Variants in ADGRF3 observed in about 807,000 individuals in gnomAD.
ADGRF3 encodes the protein adhesion G protein-coupled receptor F3.
Under a neutral mutation model 93.2 loss-of-function variants are expected in ADGRF3, and 85 were observed. The observed-to-expected ratio is 0.91, with a 90% CI of 0.77 to 1.09. The LOEUF is 1.09. Ranked by LOEUF, ADGRF3 falls within the 50% of genes least tolerant of loss-of-function variation. The probability of loss-of-function intolerance (pLI) is 0.00; values close to 1 mark genes in which losing one functional copy is unlikely to be tolerated. For synonymous variants in ADGRF3, 534 were observed against 532.5 expected (o/e 1.00, Z -0.04); for missense variants, 1,125 against 1,246.2 (o/e 0.90, Z 1.46).
At chr2:26,344,666 TCAAAAAATG>T (rs1366725858) in intron 1 of ADGRF3, among the ~76,000 whole-genome samples, 2 of 152,128 alleles carry the variant, frequency 1.3e-5, no homozygotes, top group Non-Finnish European at 2.9e-5. Context: ...CGCCCATTCT[TCAAAAAATG>T]CAAAAAATTT....
chr2:26,334,257 C>T (rs1201524521), intron 1 of ADGRF3, among the ~76,000 whole-genome samples: 6 of 148,672 alleles, frequency 4.0e-5, no homozygotes, highest in Admixed American at 1.4e-4. Context: ...GAGTTCAAGA[C>T]CAGCTTAGGC....
intron 1 of ADGRF3, among the ~76,000 whole-genome samples, chr2:26,343,312 C>A (rs1269870459): frequency 6.6e-6 from 1 of 152,098 alleles, no homozygotes; most frequent in African/African-American, 2.4e-5. Context: ...CAAGATTTCC[C>A]AGATGAGATG....
intron 9 of ADGRF3, 52 bp from the exon 10 acceptor site, chr2:26,312,126 G>A: frequency 6.6e-7 from 1 of 1,526,344 alleles, no homozygotes; most frequent in Non-Finnish European, 8.8e-7. Context: ...CCACAGGACT[G>A]AGCCGGGGGC....
At chr2:26,345,975 AG>A in intron 1 of ADGRF3, 145 bp downstream of exon 1, 1 of 720,194 alleles carries the variant, frequency 1.4e-6, no homozygotes, top group South Asian at 1.8e-5. Flanking sequence ...GGACAACAGC[AG>A]TGTCGGGGGA....
chr2:26,337,173 C>G (rs1199457279), intron 1 of ADGRF3, among the ~76,000 whole-genome samples: 1 of 152,206 alleles, frequency 6.6e-6, no homozygotes, highest in African/African-American at 2.4e-5. Context: ...AGGCCCCACA[C>G]TGTGTGACTT....
intron 1 of ADGRF3, 110 bp downstream of exon 1, chr2:26,346,011 C>A (rs1676711877): frequency 8.7e-7 from 1 of 1,152,686 alleles, no homozygotes; most frequent in Non-Finnish European, 1.2e-6. Context: ...GGGCTAGCAA[C>A]CCCCCCTCGA....
chr2:26,310,286 C>T, intron 10 of ADGRF3, 49 bp from the exon 11 acceptor site: 3 of 1,594,864 alleles, frequency 1.9e-6, no homozygotes, highest in Non-Finnish European at 2.6e-6. Context: ...AAGGGATCCA[C>T]CCGAATCAAC....
intron 1 of ADGRF3, chr2:26,318,768 C>G (rs1046495514): frequency 1.2e-6 from 1 of 815,164 alleles, no homozygotes; most frequent in East Asian, 2.7e-5. Context: ...CAAGAGCTAT[C>G]CCCCACACCC....
chr2:26,341,409 TTGAGAA>T (rs1676391072), intron 1 of ADGRF3, among the ~76,000 whole-genome samples: 1 of 151,812 alleles, frequency 6.6e-6, no homozygotes, highest in African/African-American at 2.4e-5. Context: ...GAGAAGCTAG[TTGAGAA>T]TAAGTCACAA....
intron 3 of ADGRF3, among the ~76,000 whole-genome samples, chr2:26,316,691 C>T (rs1418477918): frequency 6.6e-6 from 1 of 152,106 alleles, no homozygotes; most frequent in East Asian, 1.9e-4. Context: ...TTGTCTGTCC[C>T]TTGGGCCATC....
In ADGRF3 at chr2:26,311,221, G is replaced by T; in HGVS notation, c.2303C>A (p.Pro768His). The T allele has an allele frequency of 6.2e-7, 1 of 1,605,602 alleles. No homozygotes were observed. Among genetic ancestry groups the T allele is most frequent in the South Asian group, 1.1e-5 (1 of 89,960 alleles). ...GGCAGCAAGGCAGAGCGGGCTTCGGGGCCCTGGAGAGAGGAATGGGGCGCC... is the reference window on the plus strand; with the variant it reads ...GGCAGCAAGGCAGAGCGGGCTTCGGTGCCCTGGAGAGAGGAATGGGGCGCC... ...FLGAPFLSPGPRSPLCLAAAF... is the reference protein window; with the variant it reads ...FLGAPFLSPGHRSPLCLAAAF... Residue 768 changes from proline (P) to histidine (H), a missense_variant, in exon 10 of 14, where the codon CCC becomes CAC. Pro to His is a moderately conservative substitution (Grantham distance 77). Coordinates refer to ENST00000651242, the MANE Select transcript of ADGRF3 (RefSeq NM_001321971.2).
In ADGRF3 at chr2:26,316,416, A is replaced by C; in HGVS notation, c.358T>G (p.Cys120Gly). ...CNVNHKGNFY[C>G]ACLSGYQWNT... ...CACTGGTAGCCAGAGAGGCAAGCAC[A>C]ATAGAAATTCCCCTTGTGGTTGACA... Residue 120 changes from cysteine to glycine, a missense_variant, in exon 4 of 14, where the codon TGT becomes GGT. Coordinates refer to ENST00000651242, the MANE Select transcript of ADGRF3 (RefSeq NM_001321971.2). 1 of 1,551,786 alleles carries C rather than the reference A, an allele frequency of 6.4e-7. No individual in the cohort carries two copies. The highest frequency in any genetic ancestry group is 8.7e-7 in the Non-Finnish European group (1 of 1,147,010).
Position 26,308,213 on chromosome 2 carries a change from C to T in ADGRF3, c.*873G>A, listed in dbSNP as rs1673709737. On this transcript the variant is annotated 3_prime_UTR_variant, in exon 14 of 14. Coordinates refer to ENST00000651242, the MANE Select transcript of ADGRF3 (RefSeq NM_001321971.2). ...ATTTTTATTTTAACAGAAAATGCCCCCGTCCCATTTTATAAAAAATATCCA... is the reference window on the plus strand; with the variant it reads ...ATTTTTATTTTAACAGAAAATGCCCTCGTCCCATTTTATAAAAAATATCCA... The T allele has an allele frequency of 6.6e-6, 1 of 151,972 alleles. No individual in the cohort carries two copies. The highest frequency in any genetic ancestry group is 6.6e-5 in the Admixed American group (1 of 15,256). The allele number at this position is 151,972 out of a possible 1,614,324, so 9.4% of individuals were successfully genotyped here.
chr2:26,310,226 G>T lies in ADGRF3; in HGVS notation c.2844C>A (p.Ile948=). ...TGTCCATGAGGCAACCAAACAATAG[G>T]ATGAAGACGCCCTGAGAAGAGGGAC... ...TILNTLQGVF[I]LLFGCLMDRK... The change falls in exon 11 of 14, where the codon ATC becomes ATA. Residue 948 remains isoleucine (I), a synonymous_variant. Coordinates refer to ENST00000651242, the MANE Select transcript of ADGRF3 (RefSeq NM_001321971.2). The T allele has an allele frequency of 6.2e-7, 1 of 1,614,026 alleles. No homozygotes were observed. Among genetic ancestry groups the T allele is most frequent in the Non-Finnish European group, 8.5e-7 (1 of 1,179,898 alleles).
Position 26,311,247 on chromosome 2 carries a change from C to T in ADGRF3, c.2277G>A (p.Leu759=). The change falls in exon 10 of 14, where the codon CTG becomes CTA. Residue 759 remains leucine, a synonymous_variant. Coordinates refer to ENST00000651242, the MANE Select transcript of ADGRF3 (RefSeq NM_001321971.2). The stretch of plus-strand genomic sequence containing the variant: ...GCCCTGGAGAGAGGAATGGGGCGCC[C>T]AGGAAGCAAGTGTCTGCGGCCAGCA... ...FCLLAADTCF[L]GAPFLSPGPR... is the part of the protein sequence containing the mutation. 6.2e-7 allele frequency: 1 copy of T among 1,611,236 alleles called. No individual in the cohort carries two copies.
chr2:26,312,098 A>C (rs1310201870), intron 9 of ADGRF3, 24 bp from the exon 10 acceptor site: 1 of 1,580,688 alleles, frequency 6.3e-7, no homozygotes, highest in East Asian at 2.2e-5. Flanking sequence ...AAGAAAGATG[A>C]ACCCCGTCTG....
At chr2:26,332,364 T>C (rs1675813754) in intron 1 of ADGRF3, among the ~76,000 whole-genome samples, 1 of 152,198 alleles carries the variant, frequency 6.6e-6, no homozygotes, top group South Asian at 2.1e-4. Flanking sequence ...TGAAGGGCTG[T>C]CCATACTGGA....
In ADGRF3 at chr2:26,346,477, C is replaced by T; in HGVS notation, c.-243G>A. 1 of 595,040 alleles carries T rather than the reference C, an allele frequency of 1.7e-6. No individual in the cohort carries two copies. Among genetic ancestry groups the T allele is most frequent in the Non-Finnish European group, 2.7e-6 (1 of 368,988 alleles). 36.9% of individuals were successfully genotyped at this position (595,040 alleles called of 1,614,324 possible). ...GAGCGTGGGAGCATCCTAAGCCCGCCGCCCGTAGTCGGCACCCCCCGGGAG... is the reference window on the plus strand; with the variant it reads ...GAGCGTGGGAGCATCCTAAGCCCGCTGCCCGTAGTCGGCACCCCCCGGGAG... On this transcript the variant is annotated 5_prime_UTR_variant, in exon 1 of 14. Coordinates refer to ENST00000651242, the MANE Select transcript of ADGRF3 (RefSeq NM_001321971.2).
At chr2:26,312,887 G>A (rs1674308003) in intron 9 of ADGRF3, 56 bp downstream of exon 9, 1 of 1,494,578 alleles carries the variant, frequency 6.7e-7, no homozygotes, top group Non-Finnish European at 9.0e-7. Context: ...CCACAGGTGG[G>A]GAGTCTTCAG....
Sources: gnomAD v4.1 joint callset for allele counts (sites outside exome capture counted in the v4.1 genomes callset) on GRCh38, gnomAD v4.1.1 for gene constraint, MANE v1.5 for transcripts, NCBI Gene and HGNC (gene_info 2026-07-23, HGNC 2026-07-21) for gene names.